C1QTNF2: variants seen among roughly 807,000 people sequenced by gnomAD.
C1QTNF2 encodes C1q and TNF related 2, also known as complement C1q tumor necrosis factor-related protein 2.
C1QTNF2 carries 15 observed loss-of-function variants against 17.4 expected under a neutral mutation model. The observed-to-expected ratio is 0.86, with a 90% confidence interval of 0.58 to 1.33. The LOEUF (loss-of-function observed/expected upper bound fraction) is 1.33. Among genes scored for constraint, C1QTNF2 ranks in the 40% most tolerant of loss-of-function variants. The probability of loss-of-function intolerance (pLI) is 0.00; values close to 1 mark genes in which losing one functional copy is unlikely to be tolerated. For missense variants in C1QTNF2, 381 were observed against 392.3 expected (o/e 0.97, Z 0.24); for synonymous variants, 154 against 163.3 (o/e 0.94, Z 0.44).
chr5:160,360,117 G>C (rs558393992), intron 1 of C1QTNF2, among the ~76,000 whole-genome samples: 2 of 152,152 alleles, frequency 1.3e-5, no homozygotes, highest in Non-Finnish European at 2.9e-5. Flanking sequence ...CTCAGCCAGC[G>C]CCCGCTTTCT....
At chr5:160,365,860 T>C (rs1764239018) in intron 1 of C1QTNF2, among the ~76,000 whole-genome samples, 5 of 152,270 alleles carry the variant, frequency 3.3e-5, no homozygotes, top group Admixed American at 3.3e-4. Flanking sequence ...GAATTGTAAA[T>C]TGTAAACTGT....
chr5:160,356,371 C>T (rs1219947491), intron 1 of C1QTNF2, among the ~76,000 whole-genome samples: 2 of 152,194 alleles, frequency 1.3e-5, no homozygotes, highest in Non-Finnish European at 1.5e-5. Context: ...AACTTCAGTG[C>T]GCATCACACT....
At chr5:160,355,185 C>T (rs1764025604) in intron 1 of C1QTNF2, 165 bp from the exon 2 acceptor site, 8 of 980,850 alleles carry the variant, frequency 8.2e-6, no homozygotes, top group African/African-American at 3.5e-5. Flanking sequence ...TGGACAGAGT[C>T]GTCATATCTT....
chr5:160,368,277 T>C (rs1332909528), intron 1 of C1QTNF2, among the ~76,000 whole-genome samples: 1 of 152,196 alleles, frequency 6.6e-6, no homozygotes, highest in Non-Finnish European at 1.5e-5. Flanking sequence ...CTCATGCCTG[T>C]AATCCCAGCG....
intron 1 of C1QTNF2, among the ~76,000 whole-genome samples, chr5:160,366,523 G>C (rs1764250610): frequency 6.6e-6 from 1 of 152,166 alleles, no homozygotes; most frequent in Admixed American, 6.5e-5. Flanking sequence ...TCTGTAAAGT[G>C]GCCGTAACAG....
chr5:160,355,083 A>C (rs1260054876), intron 1 of C1QTNF2, 63 bp from the exon 2 acceptor site: 24 of 1,466,504 alleles, frequency 1.6e-5, no homozygotes, highest in Non-Finnish European at 2.2e-5. Flanking sequence ...GGGGCTGGTC[A>C]GAGGGGATGC....
At chr5:160,350,472 G>A (rs769965775) in intron 2 of C1QTNF2, among the ~76,000 whole-genome samples, 1 of 152,190 alleles carries the variant, frequency 6.6e-6, no homozygotes, top group Admixed American at 6.5e-5. Flanking sequence ...GGGAAGCTGG[G>A]ACTGGAGGAT....
Position 160,349,537 on chromosome 5 carries a change from C to T in C1QTNF2, c.489G>A (p.Glu163=), listed in dbSNP as rs1763871165. 1 of 1,614,036 alleles carries T rather than the reference C, an allele frequency of 6.2e-7. No individual in the cohort carries two copies. The highest frequency in any genetic ancestry group is 1.1e-5 in the South Asian group (1 of 91,084). Residue 163 remains glutamate (E), a synonymous_variant, in exon 3 of 3, where the codon GAG becomes GAA. Transcript: ENST00000652664. The surrounding 1 kb of genome is among the most constrained non-coding windows in gnomAD (Gnocchi z 4.3). ...TCTTGTCAAACTTGATGGGCAGCCG[C>T]TCCCGTGGGTAGCTCTTGGTCACTG... ...SVAVTKSYPR[E]RLPIKFDKIL...
rs775120128 is a variant in C1QTNF2 at position 160,349,629 on chromosome 5, C to T, written c.397G>A (p.Gly133Arg). 1.9e-5 allele frequency: 31 copies of T among 1,613,750 alleles called. No homozygotes were observed. In the Admixed American group the frequency reaches 4.5e-4, roughly 23 times the overall value. ...CAGGGGCCTGGGAGGCCTGGCTCCCCCTTCTTGCCCTTGGGCCCCTTCTTG... is the reference window on the plus strand; with the variant it reads ...CAGGGGCCTGGGAGGCCTGGCTCCCTCTTCTTGCCCTTGGGCCCCTTCTTG... ...PGKKGPKGKK[G>R]EPGLPGPCSC... Residue 133 changes from glycine to arginine, a missense_variant, in exon 3 of 3, where the codon GGG (glycine) becomes AGG (arginine). Gly to Arg is a moderately radical substitution (Grantham distance 125). Coordinates refer to ENST00000652664, the MANE Select transcript of C1QTNF2 (RefSeq NM_031908.6). The surrounding 1 kb of genome is among the most constrained non-coding windows in gnomAD (Gnocchi z 4.3).
At chr5:160,354,285 A>G (rs1230510425) in intron 2 of C1QTNF2, among the ~76,000 whole-genome samples, 1 of 152,092 alleles carries the variant, frequency 6.6e-6, no homozygotes, top group East Asian at 1.9e-4. Flanking sequence ...TTTCAGAATA[A>G]ACTGCTCTGA....
chr5:160,366,761 C>T (rs1372915911), intron 1 of C1QTNF2, among the ~76,000 whole-genome samples: 1 of 152,116 alleles, frequency 6.6e-6, no homozygotes, highest in African/African-American at 2.4e-5. Context: ...CGGCGGCTCA[C>T]ACCTATAATC....
At chr5:160,369,964 C>T (rs1032132949) in intron 1 of C1QTNF2, among the ~76,000 whole-genome samples, 8 of 152,082 alleles carry the variant, frequency 5.3e-5, no homozygotes, top group African/African-American at 1.9e-4. Context: ...GCTCAGTTTG[C>T]CAGTCTGTAT....
Position 160,368,490 on chromosome 5 carries a change from C to T in C1QTNF2, c.-10+2022G>A, listed in dbSNP as rs144915727. 9.5e-3 allele frequency among the ~76,000 whole-genome samples: 1,425 copies of T among 150,452 alleles called. 29 individuals carry two copies. The highest frequency in any genetic ancestry group is 0.033 in the African/African-American group (1,363 of 40,744). On this transcript the variant is annotated intron_variant, in intron 1 of 2. Transcript: ENST00000652664. ...GAGATTGCAGTGAGCCGAGATTGTG[C>T]CACTGTACTCCAGCCTGGGCAACAG... is the stretch of plus-strand genomic sequence containing the variant.
chr5:160,369,733 A>G (rs1764314887), intron 1 of C1QTNF2, among the ~76,000 whole-genome samples: 1 of 152,212 alleles, frequency 6.6e-6, no homozygotes, highest in Admixed American at 6.5e-5. Flanking sequence ...AGGTAATGCA[A>G]GGGACTCATG....
rs374961695 is a variant in C1QTNF2 at position 160,368,088 on chromosome 5, C to G, written c.-10+2424G>C. ...GAGCTCATGTTCCTCCACCATGGCC[C>G]CTCAGCTAACAGGGGAGTTACTAAC... On this transcript the variant is annotated intron_variant, in intron 1 of 2. Transcript: ENST00000652664. Among the ~76,000 whole-genome samples, 5 of 152,276 alleles carry G rather than the reference C, an allele frequency of 3.3e-5. No individual in the cohort carries two copies. The East Asian group carries it at 7.7e-4, about 23-fold the overall frequency.
At chr5:160,358,647 T>C (rs964385565) in intron 1 of C1QTNF2, among the ~76,000 whole-genome samples, 3 of 152,032 alleles carry the variant, frequency 2.0e-5, no homozygotes, top group Non-Finnish European at 4.4e-5. Context: ...ACCTTTTAAA[T>C]ACATTTAGAA....
Position 160,349,147 on chromosome 5 carries a change from T to A in C1QTNF2, c.*21A>T, listed in dbSNP as rs756755194. On this transcript the variant is annotated 3_prime_UTR_variant, in exon 3 of 3. Transcript: ENST00000652664. This position sits in a 1 kb window ranked among gnomAD's most constrained non-coding sequence, Gnocchi z 4.3. The stretch of plus-strand genomic sequence containing the variant: ...CAAGTCCAGAAGCTTGTTCCCTGCC[T>A]GGAGGACCGCCGTGGCATGTCTATA... The A allele has an allele frequency of 6.3e-7, 1 of 1,591,728 alleles. No homozygotes were observed. The highest frequency in any genetic ancestry group is 8.6e-7 in the Non-Finnish European group (1 of 1,167,436).
chr5:160,365,962 T>G (rs927028166), intron 1 of C1QTNF2, among the ~76,000 whole-genome samples: 3 of 152,180 alleles, frequency 2.0e-5, no homozygotes, highest in Non-Finnish European at 4.4e-5. Flanking sequence ...AAAAAATTTT[T>G]TAATTTCCAT....
Position 160,349,737 on chromosome 5 carries a change from C to T in C1QTNF2, c.289G>A (p.Gly97Ser). The change falls in exon 3 of 3, where the codon GGC (glycine) becomes AGC (serine). Residue 97 changes from glycine (G) to serine (S), a missense_variant. Physicochemically the swap from Gly to Ser is moderately conservative, Grantham distance 56 (BLOSUM62 0). Coordinates refer to ENST00000652664, the MANE Select transcript of C1QTNF2 (RefSeq NM_031908.6). This position sits in a 1 kb window ranked among gnomAD's most constrained non-coding sequence, Gnocchi z 4.3. ...GCCCGCCCAATGGCCCCGGCTTTGC[C>T]CTTTGGTCCTGGCTTTCCCCGGTTA... ...TGNRGKPGPK[G>S]KAGAIGRAGP... 1 of 1,548,756 alleles carries T rather than the reference C, an allele frequency of 6.5e-7. No homozygotes were observed. The highest frequency in any genetic ancestry group is 8.6e-7 in the Non-Finnish European group (1 of 1,156,354).
Sources: allele counts gnomAD v4.1 joint callset (sites outside exome capture counted in the v4.1 genomes callset), GRCh38; gene constraint gnomAD v4.1.1; non-coding constraint Gnocchi (gnomAD v3.1); transcripts MANE v1.5; gene names NCBI Gene and HGNC (gene_info 2026-07-23, HGNC 2026-07-21).